Variants in SDK1 observed in about 807,000 individuals in gnomAD.
SDK1 encodes protein sidekick-1.
SDK1 carries 157 observed loss-of-function variants against 245.5 expected under a neutral mutation model. That is an observed-to-expected ratio of 0.64 (90% CI 0.56 to 0.73). SDK1 has a LOEUF of 0.73. SDK1 is among the 30% of genes least tolerant of loss of function. The probability of loss-of-function intolerance (pLI) is 0.00; values close to 1 mark genes in which losing one functional copy is unlikely to be tolerated. For synonymous variants in SDK1, 1,647 were observed against 1,278.5 expected (o/e 1.29, Z -6.15); for missense variants, 3,583 against 3,002.3 (o/e 1.19, Z -4.52).
chr7:3,650,405 C>G (rs1462759186), intron 4 of SDK1, among the ~76,000 whole-genome samples: 3 of 152,206 alleles, frequency 2.0e-5, no homozygotes, highest in East Asian at 1.9e-4. Flanking sequence ...CTTTCTGTCT[C>G]TATGAATTTG....
chr7:4,082,372 T>C (rs535761612), intron 22 of SDK1, among the ~76,000 whole-genome samples: 1 of 151,898 alleles, frequency 6.6e-6, no homozygotes, highest in East Asian at 2.0e-4. Context: ...CCATCTCTAC[T>C]AAAAATACAA....
chr7:4,177,682 T>C (rs1346886269), intron 34 of SDK1, among the ~76,000 whole-genome samples: 1 of 152,238 alleles, frequency 6.6e-6, no homozygotes, highest in East Asian at 1.9e-4. Context: ...GAGACAATTT[T>C]TCCATAGACC....
chr7:4,132,368 C>T lies in SDK1; in HGVS notation c.4173C>T (p.Leu1391=). 3 of 1,613,012 alleles carry T rather than the reference C, an allele frequency of 1.9e-6. No homozygotes were observed. Among genetic ancestry groups the T allele is most frequent in the Non-Finnish European group, 2.5e-6 (3 of 1,179,346 alleles). Residue 1391 remains leucine, a synonymous_variant, in exon 28 of 45, where the codon CTC becomes CTT. Transcript: ENST00000404826. ...GGCTCGTGTTCCCCGAAGTGAGACT[C>T]ACCTCCGTGCGGATAGTGTGGCAAC... is the stretch of plus-strand genomic sequence containing the variant. ...PVRLVFPEVR[L]TSVRIVWQPP...
intron 4 of SDK1, among the ~76,000 whole-genome samples, chr7:3,749,416 C>A (rs915894596): frequency 6.6e-6 from 1 of 152,226 alleles, no homozygotes; most frequent in Non-Finnish European, 1.5e-5. Flanking sequence ...TCCCCTGCCT[C>A]AGCCTCCTGA....
At chr7:3,630,499 G>T (rs902653465) in intron 2 of SDK1, among the ~76,000 whole-genome samples, 15 of 152,226 alleles carry the variant, frequency 9.9e-5, no homozygotes, top group Non-Finnish European at 2.2e-4. Context: ...GGATGGGCAT[G>T]GTGGTGCATG....
At position 3,685,720 on chromosome 7, in the gene SDK1, A is replaced by G. The variant is rs144298572; in HGVS notation, c.713+43615A>G. The stretch of plus-strand genomic sequence containing the variant: ...TAAGGTTTCTACACTTCAAAGTATC[A>G]TATATGTACATTGTGATACCCATAT... On this transcript the variant is annotated intron_variant, in intron 4 of 44. Coordinates refer to ENST00000404826, the MANE Select transcript of SDK1 (RefSeq NM_152744.4). Among the ~76,000 whole-genome samples the G allele has an allele frequency of 1.5e-3, 235 of 152,296 alleles. 2 individuals carry two copies. Among genetic ancestry groups the G allele is most frequent in the African/African-American group, 5.3e-3 (222 of 41,568 alleles).
At chr7:3,360,594 T>A (rs780674321) in intron 1 of SDK1, among the ~76,000 whole-genome samples, 1 of 152,192 alleles carries the variant, frequency 6.6e-6, no homozygotes, top group Non-Finnish European at 1.5e-5. Context: ...AATGTTTCTT[T>A]CCCAGGTGTT....
chr7:3,672,816 G>A (rs1383145980), intron 4 of SDK1, among the ~76,000 whole-genome samples: 2 of 69,828 alleles, frequency 2.9e-5, no homozygotes, highest in African/African-American at 5.8e-5. Flanking sequence ...AAAGCTCTAA[G>A]TATGCACAGA....
At chr7:3,511,805 T>TG (rs1258041097) in intron 1 of SDK1, among the ~76,000 whole-genome samples, 1 of 150,678 alleles carries the variant, frequency 6.6e-6, no homozygotes, top group African/African-American at 2.4e-5. Flanking sequence ...TTTTGTTTTT[T>TG]TTTAACTTTT....
intron 14 of SDK1, among the ~76,000 whole-genome samples, chr7:4,007,790 G>C (rs1381511998): frequency 1.3e-5 from 2 of 151,956 alleles, no homozygotes; most frequent in Admixed American, 6.6e-5. Context: ...ATTTTTAGTA[G>C]AGGCGGGGTT....
chr7:3,367,033 C>G (rs1329219206), intron 1 of SDK1, among the ~76,000 whole-genome samples: 1 of 152,160 alleles, frequency 6.6e-6, no homozygotes, highest in Non-Finnish European at 1.5e-5. Flanking sequence ...AGCTACCGCG[C>G]CCGGCCTATT....
At chr7:4,004,108 A>G (rs1391810159) in intron 14 of SDK1, among the ~76,000 whole-genome samples, 1 of 152,236 alleles carries the variant, frequency 6.6e-6, no homozygotes, top group Non-Finnish European at 1.5e-5. Context: ...GAACGTGGAC[A>G]CATACAGCCA....
intron 1 of SDK1, among the ~76,000 whole-genome samples, chr7:3,389,707 G>A (rs1367581837): frequency 1.3e-5 from 2 of 151,896 alleles, no homozygotes; most frequent in African/African-American, 4.8e-5. Flanking sequence ...AGAGGGAGCA[G>A]TGAGCTGTGA....
rs552279217 is a variant in SDK1, at chr7:4,037,900, AT to A, written c.2603-11441del. Among the ~76,000 whole-genome samples, 373 of 152,164 alleles carry A rather than the reference AT, an allele frequency of 2.5e-3. 3 individuals carry two copies. The highest frequency in any genetic ancestry group is 8.4e-3 in the African/African-American group (350 of 41,498). On this transcript the variant is annotated intron_variant, in intron 17 of 44. Coordinates refer to ENST00000404826, the MANE Select transcript of SDK1 (RefSeq NM_152744.4). The stretch of plus-strand genomic sequence containing the variant: ...CCATCATTGGTATCCAAAACTTATA[AT>A]TTTTTTCTCTATTATGTATTCCAAA...
chr7:3,980,583 C>T (rs1380724547), intron 13 of SDK1, among the ~76,000 whole-genome samples: 1 of 152,250 alleles, frequency 6.6e-6, no homozygotes, highest in Admixed American at 6.5e-5. Context: ...CCTCATTTAT[C>T]TGTTATTGAT....
At chr7:3,335,242 A>G (rs932729927) in intron 1 of SDK1, among the ~76,000 whole-genome samples, 7 of 152,172 alleles carry the variant, frequency 4.6e-5, no homozygotes, top group African/African-American at 1.4e-4. Context: ...TACAATTTAA[A>G]ATCCTTGCTG....
chr7:4,074,116 T>G (rs1247424164), intron 20 of SDK1, among the ~76,000 whole-genome samples: 1 of 152,158 alleles, frequency 6.6e-6, no homozygotes, highest in Admixed American at 6.5e-5. Flanking sequence ...TTCAGGTATT[T>G]GACTTACGAC....
At chr7:4,099,097 G>A (rs907163016) in intron 22 of SDK1, among the ~76,000 whole-genome samples, 2 of 152,004 alleles carry the variant, frequency 1.3e-5, no homozygotes, top group African/African-American at 2.4e-5. Context: ...TGCAGAGGAG[G>A]TGAGACTCAG....
At position 3,642,044 on chromosome 7, in the gene SDK1, T is replaced by C; in HGVS notation, c.652T>C (p.Tyr218His). ...AILNLLPITS[Y>H]PRPQVTWFRE... ...TCTAAACCTGCTGCCCATCACCAGC[T>C]ACCCCAGACCTCAAGTGACTTGGTT... Residue 218 changes from tyrosine to histidine, a missense_variant, in exon 4 of 45, where the codon TAC (tyrosine) becomes CAC (histidine). Physicochemically the swap from Tyr to His is moderately conservative, Grantham distance 83. Transcript: ENST00000404826. The C allele has an allele frequency of 6.2e-7, 1 of 1,614,142 alleles. No individual in the cohort carries two copies.
Sources: gnomAD v4.1 joint callset for allele counts (sites outside exome capture counted in the v4.1 genomes callset) on GRCh38, gnomAD v4.1.1 for gene constraint, MANE v1.5 for transcripts, NCBI Gene and HGNC (gene_info 2026-07-23, HGNC 2026-07-21) for gene names.